The following DSCAM variants were observed in gnomAD, a reference collection of about 807,000 sequenced individuals.
DSCAM encodes the protein cell adhesion molecule DSCAM.
A neutral mutation model predicts 217.7 loss-of-function variants in DSCAM; 47 were observed. The observed-to-expected ratio is 0.22, with a 90% CI of 0.17 to 0.28. The LOEUF (loss-of-function observed/expected upper bound fraction) is 0.28, where lower values mean the gene tolerates loss of function less well. Ranked by LOEUF, DSCAM falls within the 10% of genes least tolerant of loss-of-function variation. The probability of loss-of-function intolerance (pLI) is 1.00; values close to 1 mark genes in which losing one functional copy is unlikely to be tolerated. For missense variants in DSCAM, 2,080 were observed against 2,618.3 expected, an observed-to-expected ratio of 0.79 and a Z score of 4.49; for synonymous variants, 1,056 against 1,015.3, an observed-to-expected ratio of 1.04 and a Z score of -0.76.
rs77831818 is a variant in DSCAM, at chr21:40,555,008, G to A, written c.508+137802C>T. Among the ~76,000 whole-genome samples the A allele has an allele frequency of 3.7e-3, 561 of 152,188 alleles. 3 individuals are homozygous for A. The highest frequency in any genetic ancestry group is 0.012 in the African/African-American group (516 of 41,540). ...GCACAGAAGGCATTCAGTAAATGGT[G>A]GATGAATTAACAAATAAAAGAATGA... On this transcript the variant is annotated intron_variant, in intron 3 of 32. Transcript: ENST00000400454.
chr21:40,686,307 A>C (rs1186971520), intron 3 of DSCAM, among the ~76,000 whole-genome samples: 2 of 150,278 alleles, frequency 1.3e-5, no homozygotes, highest in Non-Finnish European at 3.0e-5. Context: ...CATACACGGC[A>C]CACACACACA....
At chr21:40,241,349 AAAG>A (rs1223683473) in intron 11 of DSCAM, among the ~76,000 whole-genome samples, 2 of 152,246 alleles carry the variant, frequency 1.3e-5, no homozygotes, top group South Asian at 2.1e-4. Flanking sequence ...ATGCTTTTCA[AAAG>A]AAGACAAACA....
intron 28 of DSCAM, among the ~76,000 whole-genome samples, chr21:40,059,904 T>C (rs1262095130): frequency 6.6e-6 from 1 of 152,176 alleles, no homozygotes; most frequent in Non-Finnish European, 1.5e-5. Flanking sequence ...CCAGTGGACA[T>C]GATTTGTCTG....
chr21:40,137,594 TACACACACACACACACACAC>T (rs3988428), intron 18 of DSCAM, among the ~76,000 whole-genome samples: 3 of 134,928 alleles, frequency 2.2e-5, no homozygotes, highest in Admixed American at 7.6e-5. Context: ...GGCTGTTTAA[TACACACACACACACACACAC>T]ACACACACAC....
At chr21:40,030,855 C>A (rs1419715245) in intron 32 of DSCAM, among the ~76,000 whole-genome samples, 1 of 152,160 alleles carries the variant, frequency 6.6e-6, no homozygotes, top group Non-Finnish European at 1.5e-5. Flanking sequence ...GAGGGGTTCT[C>A]AAGCTTAGAA....
At chr21:40,587,272 CTT>C (rs2076953542) in intron 3 of DSCAM, among the ~76,000 whole-genome samples, 2 of 152,160 alleles carry the variant, frequency 1.3e-5, no homozygotes, top group Non-Finnish European at 2.9e-5. Context: ...CATGTCTTAG[CTT>C]TAAGCATCTA....
chr21:40,394,732 G>A (rs2075163255), intron 3 of DSCAM, among the ~76,000 whole-genome samples: 1 of 152,154 alleles, frequency 6.6e-6, no homozygotes, highest in African/African-American at 2.4e-5. Context: ...CTGAGGTTTT[G>A]GATAATGGAT....
chr21:40,734,988 C>T (rs796372923), intron 1 of DSCAM, among the ~76,000 whole-genome samples: 4 of 152,310 alleles, frequency 2.6e-5, no homozygotes, highest in African/African-American at 7.2e-5. Flanking sequence ...AACAGAAATG[C>T]TGGTTGGTTC....
At chr21:40,445,600 A>T (rs2075668474) in intron 3 of DSCAM, among the ~76,000 whole-genome samples, 1 of 152,194 alleles carries the variant, frequency 6.6e-6, no homozygotes, top group African/African-American at 2.4e-5. Context: ...GAGAACATAA[A>T]ATGAAACATC....
intron 20 of DSCAM, among the ~76,000 whole-genome samples, chr21:40,101,842 G>A (rs2089756159): frequency 6.6e-6 from 1 of 152,090 alleles, no homozygotes; most frequent in Admixed American, 6.5e-5. Context: ...CTGTGGATAA[G>A]GGATGTTGGC....
At chr21:40,603,718 T>C (rs1368833256) in intron 3 of DSCAM, among the ~76,000 whole-genome samples, 1 of 152,142 alleles carries the variant, frequency 6.6e-6, no homozygotes, top group African/African-American at 2.4e-5. Context: ...TTTTTGTTGC[T>C]GTTGTTACTG....
chr21:40,088,429 T>C (rs772727643), intron 21 of DSCAM, among the ~76,000 whole-genome samples: 2 of 152,164 alleles, frequency 1.3e-5, no homozygotes, highest in Non-Finnish European at 2.9e-5. Context: ...GCCATCCTAG[T>C]ATAGAATACC....
At chr21:40,582,401 C>T (rs995704985) in intron 3 of DSCAM, among the ~76,000 whole-genome samples, 1 of 152,088 alleles carries the variant, frequency 6.6e-6, no homozygotes, top group African/African-American at 2.4e-5. Flanking sequence ...TAAACACATA[C>T]TCACATACAC....
intron 1 of DSCAM, among the ~76,000 whole-genome samples, chr21:40,782,175 AC>A (rs1202332962): frequency 6.6e-6 from 1 of 150,768 alleles, no homozygotes; most frequent in East Asian, 2.0e-4. Context: ...CATCTCAAAA[AC>A]AAAAAACAAC....
intron 3 of DSCAM, among the ~76,000 whole-genome samples, chr21:40,424,816 A>T (rs907095634): frequency 6.6e-6 from 1 of 152,176 alleles, no homozygotes; most frequent in African/African-American, 2.4e-5. Context: ...AAAAATTATC[A>T]CAACAGGCCA....
intron 3 of DSCAM, among the ~76,000 whole-genome samples, chr21:40,635,552 C>T (rs1385300434): frequency 6.6e-6 from 1 of 152,102 alleles, no homozygotes; most frequent in Non-Finnish European, 1.5e-5. Flanking sequence ...GCAGTGTATG[C>T]CGGTGTGTGC....
chr21:40,305,197 C>G (rs2074058932), intron 9 of DSCAM, among the ~76,000 whole-genome samples: 1 of 152,058 alleles, frequency 6.6e-6, no homozygotes, highest in African/African-American at 2.4e-5. Flanking sequence ...CGAGACCAGC[C>G]TGGCCAACGT....
chr21:40,154,291 C>T (rs951842856), intron 16 of DSCAM, among the ~76,000 whole-genome samples: 2 of 151,512 alleles, frequency 1.3e-5, no homozygotes, highest in Non-Finnish European at 2.9e-5. Context: ...CTCACTCTGT[C>T]ACCCATGCTG....
At chr21:40,716,935 A>G (rs551513951) in intron 1 of DSCAM, among the ~76,000 whole-genome samples, 1 of 152,360 alleles carries the variant, frequency 6.6e-6, no homozygotes, top group South Asian at 2.1e-4. Context: ...ATGCAACAGA[A>G]GCATAAGTGA....
Sources: allele counts gnomAD v4.1 joint callset (sites outside exome capture counted in the v4.1 genomes callset), GRCh38; gene constraint gnomAD v4.1.1; transcripts MANE v1.5; gene names NCBI Gene and HGNC (gene_info 2026-07-23, HGNC 2026-07-21).